The following LHPP variants were observed in gnomAD, a reference collection of about 807,000 sequenced individuals.
LHPP encodes hLHPP.
In LHPP, 24 loss-of-function variants were observed where a neutral mutation model predicts 30.3. The observed-to-expected ratio is 0.79, with a 90% CI of 0.57 to 1.11. LHPP has a LOEUF of 1.11. Ranked by LOEUF, LHPP falls within the 50% of genes most tolerant of loss-of-function variation. The probability of loss-of-function intolerance (pLI) is 0.00; values close to 1 mark genes in which losing one functional copy is unlikely to be tolerated. For missense variants in LHPP, 356 were observed against 367.2 expected (o/e 0.97, Z 0.25); for synonymous variants, 150 against 157.1 (o/e 0.95, Z 0.34).
At chr10:124,487,608 G>C (rs1953378025) in intron 2 of LHPP, among the ~76,000 whole-genome samples, 1 of 151,938 alleles carries the variant, frequency 6.6e-6, no homozygotes, top group Non-Finnish European at 1.5e-5. Flanking sequence ...GTGCCGGGCT[G>C]ATTGTTGTAT....
intron 6 of LHPP, among the ~76,000 whole-genome samples, chr10:124,559,776 TG>T (rs1481235308): frequency 2.0e-5 from 3 of 152,280 alleles, no homozygotes; most frequent in Non-Finnish European, 4.4e-5. Context: ...CCTGCATCTT[TG>T]GTCCTTTGGT....
At chr10:124,550,131 C>T (rs539451253) in intron 6 of LHPP, among the ~76,000 whole-genome samples, 4 of 152,328 alleles carry the variant, frequency 2.6e-5, no homozygotes, top group African/African-American at 7.2e-5. Context: ...CTCTCCTTTG[C>T]GTGCTGTGAA....
chr10:124,504,770 T>G (rs191030767), intron 5 of LHPP, among the ~76,000 whole-genome samples: 1 of 152,256 alleles, frequency 6.6e-6, no homozygotes, highest in Non-Finnish European at 1.5e-5. Flanking sequence ...TGTGGCATTT[T>G]CAGTTATTTT....
intron 6 of LHPP, among the ~76,000 whole-genome samples, chr10:124,534,729 C>T (rs1410181154): frequency 3.9e-5 from 6 of 152,178 alleles, no homozygotes; most frequent in Admixed American, 6.5e-5. Context: ...CTCGGGGCTT[C>T]GGGCTGGGGC....
rs529685223 is a variant in LHPP at position 124,539,535 on chromosome 10, C to T, written c.716+22264C>T. Among the ~76,000 whole-genome samples, 5 of 152,084 alleles carry T rather than the reference C, an allele frequency of 3.3e-5. No homozygotes were observed. In the East Asian group the frequency reaches 5.8e-4, roughly 18 times the overall value. On this transcript the variant is annotated intron_variant, in intron 6 of 6. Transcript: ENST00000368842. The stretch of plus-strand genomic sequence containing the variant: ...CAGCACTTTGGGAGGCCAAGGAGAG[C>T]GGATCACTTGAGGCCAGAAGCTCGA...
Position 124,510,149 on chromosome 10 carries a change from G to A in LHPP, c.625-7031G>A, listed in dbSNP as rs1954262870. Among the ~76,000 whole-genome samples the A allele has an allele frequency of 6.6e-6, 1 of 152,128 alleles. No homozygotes were observed. Among genetic ancestry groups the A allele is most frequent in the Non-Finnish European group, 1.5e-5 (1 of 68,018 alleles). ...CACCATGTCGTGTCTGAAAGGAAGC[G>A]AAGCCCAGCCCTGGCAGGTGGAGTA... On this transcript the variant is annotated intron_variant, in intron 5 of 6. Coordinates refer to ENST00000368842, the MANE Select transcript of LHPP (RefSeq NM_022126.4). This position sits in a 1 kb window ranked among gnomAD's most constrained non-coding sequence, Gnocchi z 4.0.
rs187781233 is a variant in LHPP, at chr10:124,595,092, T to C, written c.717-18172T>C. ...AATACACCATGTCATTTAATGAGGC[T>C]GGGCCTGCCTCTTTCTGATGGAATG... On this transcript the variant is annotated intron_variant, in intron 6 of 6. Transcript: ENST00000368842. Among the ~76,000 whole-genome samples the C allele has an allele frequency of 2.1e-3, 326 of 152,318 alleles. 3 individuals are homozygous for C. In the South Asian group the frequency reaches 0.03, roughly 14 times the overall value.
rs1432280034 is a variant in LHPP, at chr10:124,484,155, C to A, written c.142C>A (p.Leu48Met). 6.2e-7 allele frequency: 1 copy of A among 1,613,996 alleles called. No individual in the cohort carries two copies. Residue 48 changes from leucine to methionine, a missense_variant, in exon 2 of 7, where the codon CTG (leucine) becomes ATG (methionine). Transcript: ENST00000368842. ...CTGCCGCAGACTGAAGCGTTCCCGGCTGAAGGTGAGGTTCTGCACCAACGA... is the reference window on the plus strand; with the variant it reads ...CTGCCGCAGACTGAAGCGTTCCCGGATGAAGGTGAGGTTCTGCACCAACGA... ...EAVARLKRSR[L>M]KVRFCTNESQ...
intron 6 of LHPP, among the ~76,000 whole-genome samples, chr10:124,562,748 A>G (rs892357755): frequency 6.6e-6 from 1 of 152,100 alleles, no homozygotes; most frequent in Non-Finnish European, 1.5e-5. Context: ...CCTGGCCAAC[A>G]TGGCAAAACC....
At chr10:124,612,937 C>T (rs1044871113) in intron 6 of LHPP, 14 of 395,224 alleles carry the variant, frequency 3.5e-5, no homozygotes, top group Non-Finnish European at 6.7e-5. Context: ...ACACTCATGT[C>T]CCCACCATCC....
intron 1 of LHPP, among the ~76,000 whole-genome samples, chr10:124,466,873 C>T (rs540298709): frequency 7.2e-5 from 11 of 152,074 alleles, no homozygotes; most frequent in African/African-American, 2.7e-4. Context: ...GGCACAGTGG[C>T]TCATACCTGT....
In LHPP at chr10:124,576,874, G is replaced by A. The variant is rs1005884997; in HGVS notation, c.717-36390G>A. On this transcript the variant is annotated intron_variant, in intron 6 of 6. Transcript: ENST00000368842. The surrounding 1 kb of genome is among the most constrained non-coding windows in gnomAD (Gnocchi z 4.2). ...CCCGTGGGTGGGCTGCTGAGCACCCGACCACAGCCAGGCCTCCATGTGCCA... is the reference window on the plus strand; with the variant it reads ...CCCGTGGGTGGGCTGCTGAGCACCCAACCACAGCCAGGCCTCCATGTGCCA... 1.3e-5 allele frequency among the ~76,000 whole-genome samples: 2 copies of A among 152,050 alleles called. No homozygotes were observed. The highest frequency in any genetic ancestry group is 6.5e-5 in the Admixed American group (1 of 15,276).
Position 124,467,902 on chromosome 10 carries a change from G to A in LHPP, c.125+5915G>A, listed in dbSNP as rs183602751. On this transcript the variant is annotated intron_variant, in intron 1 of 6. Coordinates refer to ENST00000368842, the MANE Select transcript of LHPP (RefSeq NM_022126.4). ...CATTTGTATTTTTAGTAGAGACGGG[G>A]TTTCACCATGTTGACCAGGCTGGTC... Among the ~76,000 whole-genome samples, 484 of 152,184 alleles carry A rather than the reference G, an allele frequency of 3.2e-3. 6 individuals carry two copies. The highest frequency in any genetic ancestry group is 0.011 in the African/African-American group (473 of 41,534).
chr10:124,475,654 G>T (rs1952920512), intron 1 of LHPP, among the ~76,000 whole-genome samples: 1 of 152,188 alleles, frequency 6.6e-6, no homozygotes, highest in African/African-American at 2.4e-5. Context: ...AGAGGGTTAG[G>T]TGACAAGCCA....
intron 4 of LHPP, 95 bp downstream of exon 4, chr10:124,497,119 G>T: frequency 1.0e-6 from 1 of 1,001,156 alleles, no homozygotes; most frequent in Middle Eastern, 2.2e-4. Context: ...CTTAATTAAC[G>T]TACAAATGGC....
chr10:124,532,807 T>G (rs1954931352), intron 6 of LHPP, among the ~76,000 whole-genome samples: 1 of 152,188 alleles, frequency 6.6e-6, no homozygotes, highest in South Asian at 2.1e-4. Flanking sequence ...AGTGCCAGCA[T>G]GTCTGTCCCA....
chr10:124,471,724 T>A (rs1952780376), intron 1 of LHPP, among the ~76,000 whole-genome samples: 1 of 18,672 alleles, frequency 5.4e-5, no homozygotes, highest in East Asian at 3.7e-3. Context: ...TATATATTTA[T>A]GTATATATAT....
At chr10:124,481,706 A>G (rs1953141106) in intron 1 of LHPP, among the ~76,000 whole-genome samples, 1 of 151,188 alleles carries the variant, frequency 6.6e-6, no homozygotes. Flanking sequence ...GTGGTCCTCC[A>G]CTCCAGCCTC....
intron 6 of LHPP, among the ~76,000 whole-genome samples, chr10:124,560,490 G>A (rs1948378699): frequency 6.6e-6 from 1 of 152,228 alleles, no homozygotes; most frequent in African/African-American, 2.4e-5. Flanking sequence ...CTAAAGCTGT[G>A]GGAGAAGGAA....
Sources: gnomAD v4.1 joint callset for allele counts (sites outside exome capture counted in the v4.1 genomes callset) on GRCh38, gnomAD v4.1.1 for gene constraint, Gnocchi (gnomAD v3.1) non-coding constraint, MANE v1.5 for transcripts, NCBI Gene and HGNC (gene_info 2026-07-23, HGNC 2026-07-21) for gene names.